Variants in TP63 observed in about 807,000 individuals in gnomAD.
TP63 encodes the protein tumor protein 63.
Under a neutral mutation model 82.8 loss-of-function variants are expected in TP63, and 17 were observed. The observed-to-expected ratio is 0.21, with a 90% CI of 0.14 to 0.31. The LOEUF (loss-of-function observed/expected upper bound fraction) is 0.31, where lower values mean the gene tolerates loss of function less well. TP63 is among the 10% of genes least tolerant of loss of function. The pLI, the probability that TP63 is intolerant of heterozygous loss-of-function variation, is 1.00. For synonymous variants in TP63, 330 were observed against 321.7 expected, an observed-to-expected ratio of 1.03 and a Z score of -0.28; for missense variants, 648 against 895.3, an observed-to-expected ratio of 0.72 and a Z score of 3.52.
At chr3:189,698,619 G>A (rs1211000198) in intron 1 of TP63, among the ~76,000 whole-genome samples, 1 of 152,084 alleles carries the variant, frequency 6.6e-6, no homozygotes, top group Non-Finnish European at 1.5e-5. Context: ...CTAATAGTAA[G>A]ATCTGTCTTG....
At chr3:189,848,017 A>G (rs1021420972) in intron 4 of TP63, among the ~76,000 whole-genome samples, 2 of 152,130 alleles carry the variant, frequency 1.3e-5, no homozygotes, top group Admixed American at 1.3e-4. Flanking sequence ...GCCTCATACT[A>G]TAACTGTTAA....
At chr3:189,678,146 T>A (rs1715606973) in intron 1 of TP63, among the ~76,000 whole-genome samples, 1 of 152,072 alleles carries the variant, frequency 6.6e-6, no homozygotes, top group Non-Finnish European at 1.5e-5. Context: ...GCTTTTAAGG[T>A]CTTAGTCATA....
chr3:189,877,503 T>A (rs1311543834), intron 10 of TP63, among the ~76,000 whole-genome samples: 1 of 152,230 alleles, frequency 6.6e-6, no homozygotes, highest in African/African-American at 2.4e-5. Flanking sequence ...TTAGGCTAGC[T>A]CTTACTTTCC....
intron 3 of TP63, among the ~76,000 whole-genome samples, chr3:189,797,248 A>G (rs995063489): frequency 1.8e-4 from 27 of 152,208 alleles, no homozygotes; most frequent in Admixed American, 1.4e-3. Flanking sequence ...CTTGTCAGCT[A>G]TGCTGGAAAC....
intron 4 of TP63, among the ~76,000 whole-genome samples, chr3:189,860,700 A>G (rs1269032003): frequency 6.6e-6 from 1 of 152,182 alleles, no homozygotes. Flanking sequence ...AAATTGGAAA[A>G]TATGGTTTGC....
intron 4 of TP63, among the ~76,000 whole-genome samples, chr3:189,840,464 A>T (rs1713905849): frequency 7.5e-6 from 1 of 133,908 alleles, no homozygotes; most frequent in Non-Finnish European, 1.6e-5. Flanking sequence ...TAGATTGTGT[A>T]CGTGTGTGTG....
intron 1 of TP63, among the ~76,000 whole-genome samples, chr3:189,649,364 A>C (rs1213291620): frequency 1.4e-5 from 2 of 147,080 alleles, no homozygotes; most frequent in African/African-American, 5.1e-5. Flanking sequence ...TAGCAAACTG[A>C]TGCAGGAATA....
intron 10 of TP63, chr3:189,880,300 C>T: frequency 7.4e-7 from 1 of 1,351,272 alleles, no homozygotes; most frequent in Non-Finnish European, 9.6e-7. Context: ...GACACTTTGG[C>T]TCAGAGACCC....
intron 1 of TP63, among the ~76,000 whole-genome samples, chr3:189,711,609 A>G (rs959717701): frequency 3.3e-5 from 5 of 152,140 alleles, no homozygotes; most frequent in Non-Finnish European, 7.4e-5. Context: ...ATCTGGAAGT[A>G]CTCCAGATAG....
intron 4 of TP63, among the ~76,000 whole-genome samples, chr3:189,852,972 G>A (rs962554570): frequency 6.6e-6 from 1 of 152,016 alleles, no homozygotes; most frequent in Non-Finnish European, 1.5e-5. Flanking sequence ...TCTTTCTTGG[G>A]TGCACAATCC....
At chr3:189,849,109 T>C (rs913384731) in intron 4 of TP63, among the ~76,000 whole-genome samples, 2 of 152,212 alleles carry the variant, frequency 1.3e-5, no homozygotes, top group Non-Finnish European at 2.9e-5. Flanking sequence ...TAGTAAAACA[T>C]GTGGAGAGTT....
intron 4 of TP63, among the ~76,000 whole-genome samples, chr3:189,814,813 G>A (rs948139511): frequency 4.6e-5 from 7 of 152,180 alleles, no homozygotes; most frequent in Non-Finnish European, 1.0e-4. Flanking sequence ...TAACGTATTC[G>A]TGATGAGCCA....
chr3:189,788,087 T>TC (rs1312679828), intron 3 of TP63, among the ~76,000 whole-genome samples: 3 of 151,502 alleles, frequency 2.0e-5, no homozygotes, highest in Non-Finnish European at 4.4e-5. Flanking sequence ...TAAGTAGGTT[T>TC]TTTTTTTTTT....
intron 3 of TP63, among the ~76,000 whole-genome samples, chr3:189,771,833 TTA>T (rs1447439457): frequency 6.6e-6 from 1 of 152,194 alleles, no homozygotes; most frequent in East Asian, 1.9e-4. Flanking sequence ...ATTGATTCAT[TTA>T]TTCTTAAAAT....
At chr3:189,613,159 C>T in the TP63 span, among the ~76,000 whole-genome samples, 4 of 152,182 alleles carry the variant, frequency 2.6e-5, no homozygotes, top group African/African-American at 4.8e-5. Context: ...ATGTCAGAGG[C>T]CTTTATGGCA....
intron 4 of TP63, among the ~76,000 whole-genome samples, chr3:189,834,091 G>A (rs1712766425): frequency 6.6e-6 from 1 of 152,142 alleles, no homozygotes; most frequent in African/African-American, 2.4e-5. Flanking sequence ...TACTTGTTAG[G>A]TATGAGGGAG....
rs746152618 is a variant in TP63, at chr3:189,894,548, C to T, written c.*46C>T. 2 of 1,605,540 alleles carry T rather than the reference C, an allele frequency of 1.2e-6. No individual in the cohort carries two copies. Among genetic ancestry groups the T allele is most frequent in the Non-Finnish European group, 1.7e-6 (2 of 1,177,912 alleles). The stretch of plus-strand genomic sequence containing the variant: ...CCTATCCCTCTCCTAACTGCCAGCC[C>T]CCTAAAAGCACTCCTGCTTAATCTT... On this transcript the variant is annotated 3_prime_UTR_variant, in exon 14 of 14. Coordinates refer to ENST00000264731, the MANE Select transcript of TP63 (RefSeq NM_003722.5).
Position 189,712,414 on chromosome 3 carries a change from A to G in TP63, c.63-25326A>G, listed in dbSNP as rs1041486116. Among the ~76,000 whole-genome samples the G allele has an allele frequency of 3.3e-5, 5 of 152,206 alleles. No homozygotes were observed. The East Asian group carries it at 7.7e-4, about 23-fold the overall frequency. On this transcript the variant is annotated intron_variant, in intron 1 of 13. Coordinates refer to ENST00000264731, the MANE Select transcript of TP63 (RefSeq NM_003722.5). ...CCATAAACTGGGTAACTTACAAACA[A>G]TAGAAATTCTCATGGTCCTGGAGGC...
intron 1 of TP63, among the ~76,000 whole-genome samples, chr3:189,720,585 T>A (rs2108768238): frequency 6.6e-6 from 1 of 151,812 alleles, no homozygotes; most frequent in Non-Finnish European, 1.5e-5. Context: ...AAATACAAAA[T>A]TAGCCGGGCG....
Sources: allele counts gnomAD v4.1 joint callset (sites outside exome capture counted in the v4.1 genomes callset), GRCh38; gene constraint gnomAD v4.1.1; transcripts MANE v1.5; gene names NCBI Gene and HGNC (gene_info 2026-07-23, HGNC 2026-07-21).